MICU1: variants seen among roughly 807,000 people sequenced by gnomAD.
The protein encoded by MICU1 is mitochondrial calcium uptake 1, also known as calcium uptake protein 1, mitochondrial.
A neutral mutation model predicts 56.8 loss-of-function variants in MICU1; 45 were observed. The observed-to-expected ratio is 0.79, with a 90% CI of 0.62 to 1.02. MICU1 has a LOEUF of 1.02. Among genes scored for constraint, MICU1 ranks in the 50% least tolerant of loss-of-function variants. The probability of loss-of-function intolerance (pLI) is 0.00; values close to 1 mark genes in which losing one functional copy is unlikely to be tolerated. For synonymous variants in MICU1, 186 were observed against 195.1 expected (o/e 0.95, Z 0.39); for missense variants, 504 against 587.1 (o/e 0.86, Z 1.46).
intron 6 of MICU1, among the ~76,000 whole-genome samples, chr10:72,493,172 T>A (rs1038394132): frequency 6.6e-6 from 1 of 152,096 alleles, no homozygotes; most frequent in Non-Finnish European, 1.5e-5. Context: ...TAATAAGATG[T>A]ATATGTATGC....
chr10:72,460,058 G>C (rs1865597178), intron 8 of MICU1, among the ~76,000 whole-genome samples: 1 of 152,060 alleles, frequency 6.6e-6, no homozygotes, highest in Admixed American at 6.6e-5. Flanking sequence ...TTACAGTGTT[G>C]CTAGAGTGAT....
chr10:72,623,479 T>C (rs543869419), intron 1 of MICU1, among the ~76,000 whole-genome samples: 194 of 152,088 alleles, frequency 1.3e-3, no homozygotes, highest in Non-Finnish European at 2.1e-3. Flanking sequence ...TGGTGGCTTG[T>C]ACCTGCAATC....
chr10:72,566,335 C>T (rs946686813), intron 2 of MICU1, among the ~76,000 whole-genome samples: 3 of 152,062 alleles, frequency 2.0e-5, no homozygotes, highest in South Asian at 2.1e-4. Context: ...TGTAAGCCAC[C>T]GCGCCTGGCC....
chr10:72,477,194 C>G lies in MICU1; in HGVS notation c.715G>C (p.Asp239His), dbSNP rs1240248115. 21 of 1,548,890 alleles carry G rather than the reference C, an allele frequency of 1.4e-5. No homozygotes were observed. The highest frequency in any genetic ancestry group is 1.7e-5 in the Non-Finnish European group (20 of 1,146,436). Residue 239 changes from aspartate to histidine, a missense_variant, in exon 7 of 12, where the codon GAT becomes CAT. Coordinates refer to ENST00000361114, the MANE Select transcript of MICU1 (RefSeq NM_001195518.2). The stretch of plus-strand genomic sequence containing the variant: ...CTTGCCTGTTCAAATTCTTCCATAT[C>G]TACTTCTCCATCTCCATTCAAATCA... Reference protein sequence around the residue: ...MFDLNGDGEVDMEEFEQVQSI... With the variant: ...MFDLNGDGEVHMEEFEQVQSI...
intron 11 of MICU1, among the ~76,000 whole-genome samples, chr10:72,369,915 C>G (rs928223598): frequency 6.6e-6 from 1 of 152,040 alleles, no homozygotes; most frequent in Admixed American, 6.6e-5. Context: ...GAGTCTCACT[C>G]TGTCACCCAG....
intron 1 of MICU1, among the ~76,000 whole-genome samples, chr10:72,578,985 C>G (rs1430161186): frequency 6.6e-6 from 1 of 151,992 alleles, no homozygotes; most frequent in Non-Finnish European, 1.5e-5. Context: ...ACTGGGAAAC[C>G]AAAAAATTCA....
At chr10:72,580,440 C>G (rs1415442463) in intron 1 of MICU1, among the ~76,000 whole-genome samples, 1 of 150,902 alleles carries the variant, frequency 6.6e-6, no homozygotes, top group Non-Finnish European at 1.5e-5. Flanking sequence ...TTCATCCAAG[C>G]TTTTGCTGAT....
chr10:72,505,770 T>C (rs982004268), intron 6 of MICU1, among the ~76,000 whole-genome samples: 1 of 151,966 alleles, frequency 6.6e-6, no homozygotes, highest in South Asian at 2.1e-4. Context: ...TGGGTACATG[T>C]GGACATAAAG....
chr10:72,423,357 G>C lies in MICU1; in HGVS notation c.948C>G (p.Asp316Glu). 2 of 1,613,748 alleles carry C rather than the reference G, an allele frequency of 1.2e-6. No individual in the cohort carries two copies. Among genetic ancestry groups the C allele is most frequent in the Non-Finnish European group, 1.7e-6 (2 of 1,179,802 alleles). Residue 316 changes from aspartate to glutamate, a missense_variant, in exon 9 of 12, where the codon GAC (aspartate) becomes GAG (glutamate). By Grantham distance (45) the Asp-to-Glu change is conservative. Coordinates refer to ENST00000361114, the MANE Select transcript of MICU1 (RefSeq NM_001195518.2). ...DVLKLEFERH[D>E]PVDGRITERQ... Reference sequence around the variant, plus strand: ...TCTCAGTAATTCTCCCATCCACAGGGTCATGGCGTTCAAACTGGGAGGGAA... The same window carrying C: ...TCTCAGTAATTCTCCCATCCACAGGCTCATGGCGTTCAAACTGGGAGGGAA...
At chr10:72,618,383 G>A (rs1842030311) in intron 1 of MICU1, among the ~76,000 whole-genome samples, 1 of 152,078 alleles carries the variant, frequency 6.6e-6, no homozygotes, top group African/African-American at 2.4e-5. Context: ...ACAGGTGTGT[G>A]CCACTGCCCC....
At chr10:72,494,842 TAAAAA>T (rs758537983) in intron 6 of MICU1, among the ~76,000 whole-genome samples, 5 of 144,866 alleles carry the variant, frequency 3.5e-5, no homozygotes, top group South Asian at 2.2e-4. Context: ...GCCCTGATTC[TAAAAA>T]AAAAAAAAAC....
intron 6 of MICU1, among the ~76,000 whole-genome samples, chr10:72,489,819 C>T (rs370803179): frequency 1.3e-5 from 2 of 152,094 alleles, no homozygotes; most frequent in African/African-American, 2.4e-5. Flanking sequence ...ACAATCAACA[C>T]AAAAGATATA....
intron 9 of MICU1, among the ~76,000 whole-genome samples, chr10:72,414,045 T>C (rs1863907424): frequency 6.6e-6 from 1 of 152,210 alleles, no homozygotes; most frequent in Non-Finnish European, 1.5e-5. Context: ...GTGAAATGGT[T>C]CCACCACTTT....
chr10:72,490,137 T>C (rs956594736), intron 6 of MICU1, among the ~76,000 whole-genome samples: 2 of 152,194 alleles, frequency 1.3e-5, no homozygotes, highest in African/African-American at 4.8e-5. Context: ...ACACAGGACT[T>C]AAGACGCACT....
At chr10:72,560,642 G>T (rs1426219340) in intron 3 of MICU1, among the ~76,000 whole-genome samples, 1 of 152,120 alleles carries the variant, frequency 6.6e-6, no homozygotes, top group Non-Finnish European at 1.5e-5. Context: ...GGCCAAGGTG[G>T]GCGGATCACC....
At chr10:72,368,451 CCA>C (rs1339685501) in intron 11 of MICU1, 96 bp from the exon 12 acceptor site, 3 of 1,356,394 alleles carry the variant, frequency 2.2e-6, no homozygotes, top group Non-Finnish European at 3.1e-6. Context: ...ATTTCAAAGC[CCA>C]GACATTCTCC....
chr10:72,433,266 CAG>C (rs1271298371), intron 8 of MICU1, among the ~76,000 whole-genome samples: 8 of 151,446 alleles, frequency 5.3e-5, no homozygotes, highest in Non-Finnish European at 1.0e-4. Flanking sequence ...TTTTTTGAGA[CAG>C]AGTCTTGCTC....
chr10:72,441,991 C>G (rs1864951673), intron 8 of MICU1, among the ~76,000 whole-genome samples: 1 of 152,002 alleles, frequency 6.6e-6, no homozygotes, highest in Non-Finnish European at 1.5e-5. Flanking sequence ...TTTGTAAAAG[C>G]AGAAAACTCT....
In MICU1 at chr10:72,615,747, T is replaced by C. The variant is rs185130966; in HGVS notation, c.-2+10263A>G. ...TCATCACGCCTGTAATCCCAGCACTTTGGGAGGCCGAGGAGGGTGGATCAC... is the reference window on the plus strand; with the variant it reads ...TCATCACGCCTGTAATCCCAGCACTCTGGGAGGCCGAGGAGGGTGGATCAC... On this transcript the variant is annotated intron_variant, in intron 1 of 11. Transcript: ENST00000361114. 7.2e-5 allele frequency among the ~76,000 whole-genome samples: 11 copies of C among 152,162 alleles called. No individual in the cohort carries two copies. In the East Asian group the frequency reaches 2.1e-3, roughly 29 times the overall value.
Sources: allele counts gnomAD v4.1 joint callset (sites outside exome capture counted in the v4.1 genomes callset), GRCh38; gene constraint gnomAD v4.1.1; transcripts MANE v1.5; gene names NCBI Gene and HGNC (gene_info 2026-07-23, HGNC 2026-07-21).